Variants in CADM2 observed in about 807,000 individuals in gnomAD.
CADM2 encodes immunoglobulin superfamily member 4D.
In CADM2, 12 loss-of-function variants were observed where a neutral mutation model predicts 49.8. The ratio of observed to expected loss-of-function variants is 0.24; its 90% CI spans 0.15 to 0.39. The LOEUF is 0.39. CADM2 is among the 10% of genes least tolerant of loss of function. The probability of loss-of-function intolerance (pLI) is 1.00; values close to 1 mark genes in which losing one functional copy is unlikely to be tolerated. For missense variants in CADM2, 378 were observed against 492.3 expected (o/e 0.77, Z 2.20); for synonymous variants, 214 against 175.4 (o/e 1.22, Z -1.74).
At chr3:85,486,584 T>C (rs775060658) in intron 1 of CADM2, among the ~76,000 whole-genome samples, 2 of 152,186 alleles carry the variant, frequency 1.3e-5, no homozygotes. Context: ...TTTTGTAATA[T>C]CAAACTGTGT....
intron 1 of CADM2, among the ~76,000 whole-genome samples, chr3:85,148,647 C>T (rs994392023): frequency 1.3e-5 from 2 of 152,148 alleles, no homozygotes; most frequent in African/African-American, 4.8e-5. Flanking sequence ...ACTTTTGACT[C>T]ACCCAAAGCT....
intron 1 of CADM2, among the ~76,000 whole-genome samples, chr3:85,568,463 C>CTTTT (rs1424573453): frequency 0.031 from 404 of 13,138 alleles, 51 homozygotes; most frequent in African/African-American, 0.05. Flanking sequence ...TTCTTTCTTT[C>CTTTT]TCTTTCTCTC....
At chr3:85,056,484 C>T (rs2036084707) in intron 1 of CADM2, among the ~76,000 whole-genome samples, 1 of 151,916 alleles carries the variant, frequency 6.6e-6, no homozygotes, top group Middle Eastern at 3.2e-3. Context: ...ATTATAAGTA[C>T]ATATTGAAAT....
At chr3:85,529,597 C>T (rs1367727226) in intron 1 of CADM2, among the ~76,000 whole-genome samples, 5 of 152,116 alleles carry the variant, frequency 3.3e-5, no homozygotes, top group African/African-American at 7.2e-5. Context: ...AACTCTTCAA[C>T]GATTACTCAT....
At chr3:85,296,423 ATT>A (rs61116379) in intron 1 of CADM2, among the ~76,000 whole-genome samples, 10 of 150,138 alleles carry the variant, frequency 6.7e-5, no homozygotes, top group African/African-American at 2.4e-4. Context: ...AAAGTAAACA[ATT>A]TTTTTTTTCT....
chr3:85,734,378 C>T (rs929474858), intron 2 of CADM2, among the ~76,000 whole-genome samples: 1 of 151,790 alleles, frequency 6.6e-6, no homozygotes, highest in Non-Finnish European at 1.5e-5. Context: ...CAAATGAGAA[C>T]ACATGGCACT....
At chr3:85,425,093 G>A (rs536330555) in intron 1 of CADM2, among the ~76,000 whole-genome samples, 4 of 152,200 alleles carry the variant, frequency 2.6e-5, no homozygotes, top group Non-Finnish European at 5.9e-5. Flanking sequence ...AAATGAAAGA[G>A]GTCACGAACA....
At chr3:85,274,644 A>T (rs2043316031) in intron 1 of CADM2, among the ~76,000 whole-genome samples, 2 of 151,456 alleles carry the variant, frequency 1.3e-5, no homozygotes, top group Non-Finnish European at 3.0e-5. Context: ...TTAGAATAGG[A>T]CATCTTTCTC....
intron 8 of CADM2, among the ~76,000 whole-genome samples, chr3:86,009,604 A>G (rs1296636558): frequency 6.6e-6 from 1 of 151,862 alleles, no homozygotes; most frequent in Non-Finnish European, 1.5e-5. Context: ...GAACTAGTTG[A>G]CAATGTAACT....
At chr3:85,846,197 T>C (rs1392785290) in intron 3 of CADM2, among the ~76,000 whole-genome samples, 1 of 152,318 alleles carries the variant, frequency 6.6e-6, no homozygotes, top group Admixed American at 6.5e-5. Flanking sequence ...AATAGAGAGA[T>C]TATTGCATTT....
At chr3:85,014,835 C>T (rs139867017) in intron 1 of CADM2, among the ~76,000 whole-genome samples, 25 of 152,208 alleles carry the variant, frequency 1.6e-4, no homozygotes, top group Non-Finnish European at 2.8e-4. Flanking sequence ...CTTTCGGGCA[C>T]GCAAAACAAC....
intron 1 of CADM2, among the ~76,000 whole-genome samples, chr3:85,029,010 A>T (rs1023762987): frequency 6.6e-6 from 1 of 151,880 alleles, no homozygotes; most frequent in Admixed American, 6.6e-5. Context: ...TACTATTATA[A>T]CACGTATTTA....
chr3:85,490,530 G>A (rs943667593), intron 1 of CADM2, among the ~76,000 whole-genome samples: 2 of 152,104 alleles, frequency 1.3e-5, no homozygotes, highest in South Asian at 2.1e-4. Flanking sequence ...GCTGCAGTAA[G>A]CTATGATTAT....
At chr3:85,476,008 C>A (rs2038960301) in intron 1 of CADM2, among the ~76,000 whole-genome samples, 1 of 151,764 alleles carries the variant, frequency 6.6e-6, no homozygotes, top group South Asian at 2.1e-4. Context: ...TGCCTATCAT[C>A]TAAATAAGAC....
chr3:85,379,554 T>G (rs2107348788), intron 1 of CADM2, among the ~76,000 whole-genome samples: 1 of 152,102 alleles, frequency 6.6e-6, no homozygotes, highest in Non-Finnish European at 1.5e-5. Flanking sequence ...TGCATTTTAA[T>G]GCAATTTTCC....
intron 1 of CADM2, among the ~76,000 whole-genome samples, chr3:85,449,559 GT>G (rs33948520): frequency 1.5e-3 from 217 of 148,608 alleles, no homozygotes; most frequent in African/African-American, 3.4e-3. Flanking sequence ...GAAATATAAG[GT>G]TTTTTTTTTT....
intron 1 of CADM2, among the ~76,000 whole-genome samples, chr3:85,130,109 A>G (rs542177640): frequency 4.7e-4 from 72 of 152,256 alleles, no homozygotes; most frequent in African/African-American, 1.7e-3. Flanking sequence ...AAGATTATGC[A>G]CATTAAATAG....
chr3:85,987,105 G>A (rs1355533037), intron 8 of CADM2, among the ~76,000 whole-genome samples: 4 of 151,898 alleles, frequency 2.6e-5, no homozygotes, highest in African/African-American at 9.7e-5. Flanking sequence ...GTTGAACTCT[G>A]ACACAATTTG....
chr3:85,649,880 C>T (rs1439904208), intron 1 of CADM2, among the ~76,000 whole-genome samples: 1 of 152,050 alleles, frequency 6.6e-6, no homozygotes, highest in Admixed American at 6.6e-5. Context: ...GAAGGACAAC[C>T]AGGTCTGTGC....
Sources: gnomAD v4.1 joint callset for allele counts (sites outside exome capture counted in the v4.1 genomes callset) on GRCh38, gnomAD v4.1.1 for gene constraint, MANE v1.5 for transcripts, NCBI Gene and HGNC (gene_info 2026-07-23, HGNC 2026-07-21) for gene names.